Variants in SLC24A2 observed in about 807,000 individuals in gnomAD.
SLC24A2 encodes the protein solute carrier family 24 member 2.
A neutral mutation model predicts 62.0 loss-of-function variants in SLC24A2; 36 were observed. The ratio of observed to expected loss-of-function variants is 0.58; its 90% CI spans 0.44 to 0.77. The LOEUF (loss-of-function observed/expected upper bound fraction) is 0.77, where lower values mean the gene tolerates loss of function less well. SLC24A2 is among the 30% of genes least tolerant of loss of function. SLC24A2 has a pLI of 0.00. For missense variants in SLC24A2, 846 were observed against 817.9 expected, an observed-to-expected ratio of 1.03 and a Z score of -0.42; for synonymous variants, 358 against 294.0, an observed-to-expected ratio of 1.22 and a Z score of -2.23.
At chr9:20,293,268 C>T in the SLC24A2 span, among the ~76,000 whole-genome samples, 3 of 152,342 alleles carry the variant, frequency 2.0e-5, no homozygotes, top group Admixed American at 2.0e-4. Flanking sequence ...CACAACTCAA[C>T]ACCTAACACT....
chr9:19,560,686 T>G (rs1441376720), intron 7 of SLC24A2, among the ~76,000 whole-genome samples: 1 of 152,210 alleles, frequency 6.6e-6, no homozygotes, highest in African/African-American at 2.4e-5. Context: ...GCAGCCCCAG[T>G]AGGCTAATAC....
chr9:20,264,302 G>A, the SLC24A2 span, among the ~76,000 whole-genome samples: 4 of 152,200 alleles, frequency 2.6e-5, no homozygotes, highest in Non-Finnish European at 5.9e-5. Flanking sequence ...GTTCCTGCTT[G>A]TAAAGTACTT....
At chr9:19,565,268 C>G (rs1835600284) in intron 7 of SLC24A2, among the ~76,000 whole-genome samples, 1 of 151,044 alleles carries the variant, frequency 6.6e-6, no homozygotes, top group South Asian at 2.1e-4. Context: ...TCAGCAAAGT[C>G]TCAGGATACA....
At position 19,554,755 on chromosome 9, in the gene SLC24A2, G is replaced by A. The variant is rs76956204; in HGVS notation, c.1348-4487C>T. Among the ~76,000 whole-genome samples the A allele has an allele frequency of 4.7e-3, 723 of 152,272 alleles. 43 individuals are homozygous for A. The East Asian group carries it at 0.12, about 26-fold the overall frequency. On this transcript the variant is annotated intron_variant, in intron 7 of 10. Transcript: ENST00000341998. ...GGCTGGAGGGGACATTTTGACCACAGCAGAAGATAATCTTGGGCCATGGGG... is the reference window on the plus strand; with the variant it reads ...GGCTGGAGGGGACATTTTGACCACAACAGAAGATAATCTTGGGCCATGGGG...
At chr9:20,021,266 C>T in the SLC24A2 span, among the ~76,000 whole-genome samples, 1 of 151,682 alleles carries the variant, frequency 6.6e-6, no homozygotes, top group Non-Finnish European at 1.5e-5. Flanking sequence ...TGTGTACAAT[C>T]CATTTGTTCT....
At chr9:19,766,095 G>T (rs1822506777) in intron 2 of SLC24A2, among the ~76,000 whole-genome samples, 1 of 152,076 alleles carries the variant, frequency 6.6e-6, no homozygotes, top group Admixed American at 6.5e-5. Flanking sequence ...TTCGGCTATT[G>T]ATACTTGAGT....
At chr9:19,535,310 C>T (rs1025181119) in intron 8 of SLC24A2, among the ~76,000 whole-genome samples, 1 of 152,026 alleles carries the variant, frequency 6.6e-6, no homozygotes, top group Non-Finnish European at 1.5e-5. Context: ...GTTGCCTATT[C>T]ACTCTAATGG....
the SLC24A2 span, among the ~76,000 whole-genome samples, chr9:19,903,268 C>G: frequency 1.3e-5 from 2 of 152,114 alleles, no homozygotes; most frequent in African/African-American, 4.8e-5. Flanking sequence ...GAAGGCCCTC[C>G]TCCTAGTTCA....
the SLC24A2 span, among the ~76,000 whole-genome samples, chr9:20,096,456 C>T: frequency 0.14 from 21,116 of 151,996 alleles, 1,762 homozygotes; most frequent in African/African-American, 0.24. Flanking sequence ...TTCCTGTCAT[C>T]GGTTTTTTCT....
chr9:19,553,672 G>T (rs937959158), intron 7 of SLC24A2, among the ~76,000 whole-genome samples: 1 of 152,190 alleles, frequency 6.6e-6, no homozygotes, highest in Non-Finnish European at 1.5e-5. Flanking sequence ...TCCAGTGTCT[G>T]CTCAGGCTGT....
chr9:19,983,976 G>C, the SLC24A2 span, among the ~76,000 whole-genome samples: 1 of 152,188 alleles, frequency 6.6e-6, no homozygotes, highest in Admixed American at 6.5e-5. Flanking sequence ...TGGTGTGAAA[G>C]TTATACGCAT....
intron 9 of SLC24A2, among the ~76,000 whole-genome samples, chr9:19,524,430 A>AG (rs1833343158): frequency 6.6e-6 from 1 of 151,902 alleles, no homozygotes; most frequent in South Asian, 2.1e-4. Context: ...AAAAAAAAAA[A>AG]AAAAGCCAAG....
intron 4 of SLC24A2, among the ~76,000 whole-genome samples, chr9:19,597,782 A>T (rs537655629): frequency 1.3e-5 from 2 of 152,318 alleles, no homozygotes; most frequent in African/African-American, 4.8e-5. Context: ...ATCTAACATG[A>T]AAAACCACGT....
At chr9:20,127,998 C>T in the SLC24A2 span, among the ~76,000 whole-genome samples, 1 of 151,970 alleles carries the variant, frequency 6.6e-6, no homozygotes, top group Admixed American at 6.6e-5. Context: ...TACGTAGTAG[C>T]ATTTCTACTA....
the SLC24A2 span, among the ~76,000 whole-genome samples, chr9:20,125,143 G>A: frequency 6.6e-6 from 1 of 152,112 alleles, no homozygotes; most frequent in Admixed American, 6.6e-5. Context: ...TTAGTACAAG[G>A]TGCTGTGAGA....
chr9:19,717,643 T>C (rs1484107783), intron 2 of SLC24A2, among the ~76,000 whole-genome samples: 3 of 152,190 alleles, frequency 2.0e-5, no homozygotes, highest in Non-Finnish European at 4.4e-5. Context: ...TACTCAACAA[T>C]AAAGTTACAT....
At chr9:20,192,523 G>C in the SLC24A2 span, among the ~76,000 whole-genome samples, 2 of 152,104 alleles carry the variant, frequency 1.3e-5, no homozygotes, top group African/African-American at 4.8e-5. Context: ...CAGATTCCTA[G>C]AGCCTAATTC....
chr9:20,110,990 T>C, the SLC24A2 span, among the ~76,000 whole-genome samples: 1 of 152,224 alleles, frequency 6.6e-6, no homozygotes, highest in African/African-American at 2.4e-5. Flanking sequence ...CTTATAAATA[T>C]ACTTGATCAT....
At chr9:20,091,932 T>A in the SLC24A2 span, among the ~76,000 whole-genome samples, 4 of 152,220 alleles carry the variant, frequency 2.6e-5, no homozygotes, top group African/African-American at 9.6e-5. Flanking sequence ...TGAGGTCATG[T>A]CCTTTGCAGG....
Sources: gnomAD v4.1 joint callset for allele counts (sites outside exome capture counted in the v4.1 genomes callset) on GRCh38, gnomAD v4.1.1 for gene constraint, MANE v1.5 for transcripts, NCBI Gene and HGNC (gene_info 2026-07-23, HGNC 2026-07-21) for gene names.